The following SPATA17 variants were observed in gnomAD, a reference collection of about 807,000 sequenced individuals.
SPATA17 encodes spermatogenesis-associated protein 17.
SPATA17 carries 53 observed loss-of-function variants against 62.2 expected under a neutral mutation model. The ratio of observed to expected loss-of-function variants is 0.85; its 90% CI spans 0.68 to 1.07. The LOEUF is 1.07. Ranked by LOEUF, SPATA17 falls within the 50% of genes least tolerant of loss-of-function variation. The pLI is 0.00. For synonymous variants in SPATA17, 146 were observed against 146.8 expected, an observed-to-expected ratio of 0.99 and a Z score of 0.04; for missense variants, 466 against 425.5, an observed-to-expected ratio of 1.10 and a Z score of -0.84.
At chr1:217,651,298 A>C in intron 3 of SPATA17, 120 bp downstream of exon 3, 1 of 705,740 alleles carries the variant, frequency 1.4e-6, no homozygotes, top group Non-Finnish European at 2.2e-6. Flanking sequence ...ATGTAAGGAC[A>C]AAATTGGGCT....
intron 7 of SPATA17, among the ~76,000 whole-genome samples, chr1:217,779,426 CT>C (rs1325059537): frequency 2.7e-5 from 4 of 145,878 alleles, no homozygotes; most frequent in Non-Finnish European, 6.0e-5. Context: ...TTTTTCTTTC[CT>C]TCTTCTTCTG....
At chr1:217,671,908 G>A (rs533054444) in intron 4 of SPATA17, among the ~76,000 whole-genome samples, 2 of 152,340 alleles carry the variant, frequency 1.3e-5, no homozygotes, top group African/African-American at 2.4e-5. Context: ...TAACTTGGTA[G>A]TAGACTATGT....
intron 8 of SPATA17, among the ~76,000 whole-genome samples, chr1:217,788,636 T>C (rs943101734): frequency 6.6e-6 from 1 of 152,074 alleles, no homozygotes; most frequent in Non-Finnish European, 1.5e-5. Context: ...TTTCCTAGCT[T>C]TAAAGATGGG....
At chr1:217,770,979 T>C (rs7553345) in intron 6 of SPATA17, among the ~76,000 whole-genome samples, 2 of 20,272 alleles carry the variant, frequency 9.9e-5, no homozygotes, top group Non-Finnish European at 2.7e-4. Context: ...ACTCATTGCA[T>C]TTTTTTTTTT....
intron 4 of SPATA17, among the ~76,000 whole-genome samples, chr1:217,671,642 T>C (rs1368838759): frequency 2.6e-5 from 4 of 152,038 alleles, no homozygotes; most frequent in Non-Finnish European, 5.9e-5. Flanking sequence ...TGTCCTCTCC[T>C]ATCCTCCTCC....
chr1:217,856,362 A>G (rs1247112133), intron 9 of SPATA17, among the ~76,000 whole-genome samples: 2 of 152,318 alleles, frequency 1.3e-5, no homozygotes, highest in East Asian at 3.9e-4. Flanking sequence ...TAGGAAACAA[A>G]CACGGCAGAG....
At position 217,652,000 on chromosome 1, in the gene SPATA17, G is replaced by A. The variant is rs183247426; in HGVS notation, c.240+822G>A. On this transcript the variant is annotated intron_variant, in intron 3 of 10. Transcript: ENST00000366933. ...CAGTTGTTATAGAAGTTTTTACATT[G>A]GGCACAGTTGTCTCGTAATTGCCAA... Among the ~76,000 whole-genome samples the A allele has an allele frequency of 4.7e-4, 71 of 152,216 alleles. No individual in the cohort carries two copies. In the Middle Eastern group the frequency reaches 0.02, roughly 44 times the overall value.
chr1:217,752,871 G>A (rs959704823), intron 6 of SPATA17, among the ~76,000 whole-genome samples: 2 of 152,080 alleles, frequency 1.3e-5, no homozygotes, highest in South Asian at 2.1e-4. Flanking sequence ...CTATCTACAC[G>A]GTGGGTGGTA....
intron 8 of SPATA17, among the ~76,000 whole-genome samples, chr1:217,788,439 T>C: frequency 6.6e-6 from 1 of 152,184 alleles, no homozygotes; most frequent in Non-Finnish European, 1.5e-5. Context: ...TTACCTTATA[T>C]AATAAAAAGG....
chr1:217,700,328 T>C (rs1671564827), intron 5 of SPATA17, among the ~76,000 whole-genome samples: 1 of 152,210 alleles, frequency 6.6e-6, no homozygotes, highest in Admixed American at 6.5e-5. Context: ...TTAGTTCTAT[T>C]ATTTTCTTGC....
At chr1:217,774,297 T>C in intron 6 of SPATA17, 37 bp from the exon 7 acceptor site, 1 of 1,550,834 alleles carries the variant, frequency 6.4e-7, no homozygotes, top group Non-Finnish European at 8.8e-7. Context: ...CATCTGAAAA[T>C]TAAAGAAAAA....
intron 5 of SPATA17, among the ~76,000 whole-genome samples, chr1:217,708,206 A>G (rs554951104): frequency 4.6e-5 from 7 of 152,322 alleles, no homozygotes; most frequent in Admixed American, 4.6e-4. Flanking sequence ...AACCAAAATT[A>G]GAGCTGAAAT....
intron 9 of SPATA17, among the ~76,000 whole-genome samples, chr1:217,836,143 C>T (rs900287086): frequency 6.6e-6 from 1 of 152,130 alleles, no homozygotes; most frequent in Non-Finnish European, 1.5e-5. Flanking sequence ...ATTAAACTCT[C>T]TTTACTGTAA....
chr1:217,801,992 G>A, intron 9 of SPATA17, 142 bp downstream of exon 9: 1 of 893,670 alleles, frequency 1.1e-6, no homozygotes, highest in African/African-American at 1.7e-5. Context: ...GGTAAAGATG[G>A]TGCTGCTGAC....
At chr1:217,854,643 T>C (rs370261676) in intron 9 of SPATA17, among the ~76,000 whole-genome samples, 4 of 152,234 alleles carry the variant, frequency 2.6e-5, no homozygotes, top group Non-Finnish European at 4.4e-5. Flanking sequence ...CCCCAAATAC[T>C]TTGAAACCCA....
intron 4 of SPATA17, among the ~76,000 whole-genome samples, chr1:217,673,191 G>C (rs548796519): frequency 3.3e-5 from 5 of 152,184 alleles, no homozygotes; most frequent in Admixed American, 6.5e-5. Flanking sequence ...TGTGCAGTTC[G>C]TATGTAAATG....
chr1:217,742,976 C>T (rs969966299), intron 6 of SPATA17, among the ~76,000 whole-genome samples: 11 of 149,528 alleles, frequency 7.4e-5, no homozygotes, highest in African/African-American at 2.5e-4. Context: ...ATATTAAATC[C>T]TGGGCTGGCC....
chr1:217,759,981 C>A (rs1673132984), intron 6 of SPATA17, among the ~76,000 whole-genome samples: 1 of 151,852 alleles, frequency 6.6e-6, no homozygotes, highest in Non-Finnish European at 1.5e-5. Flanking sequence ...TTCGAAAGTA[C>A]AAAGGAAGAA....
At chr1:217,743,403 C>T (rs1672671435) in intron 6 of SPATA17, among the ~76,000 whole-genome samples, 1 of 151,908 alleles carries the variant, frequency 6.6e-6, no homozygotes, top group African/African-American at 2.4e-5. Flanking sequence ...TTAGTAATTT[C>T]AACTTTCATT....
Sources: gnomAD v4.1 joint callset for allele counts (sites outside exome capture counted in the v4.1 genomes callset) on GRCh38, gnomAD v4.1.1 for gene constraint, MANE v1.5 for transcripts, NCBI Gene and HGNC (gene_info 2026-07-23, HGNC 2026-07-21) for gene names.